Variants in TP53BP2 observed in about 807,000 individuals in gnomAD.
The protein encoded by TP53BP2 is apoptosis-stimulating of p53 protein 2.
In TP53BP2, 62 loss-of-function variants were observed where a neutral mutation model predicts 126.2. The observed-to-expected ratio is 0.49, with a 90% CI of 0.40 to 0.61. TP53BP2 has a LOEUF of 0.61. Ranked by LOEUF, TP53BP2 falls within the 20% of genes least tolerant of loss-of-function variation. The pLI, the probability that TP53BP2 is intolerant of heterozygous loss-of-function variation, is 0.00. For missense variants in TP53BP2, 1,215 were observed against 1,402.8 expected, an observed-to-expected ratio of 0.87 and a Z score of 2.14; for synonymous variants, 485 against 502.9, an observed-to-expected ratio of 0.96 and a Z score of 0.48.
intron 1 of TP53BP2, among the ~76,000 whole-genome samples, chr1:223,825,395 C>A (rs1314769935): frequency 6.6e-6 from 1 of 152,208 alleles, no homozygotes; most frequent in African/African-American, 2.4e-5. Context: ...CAGGTAAAGA[C>A]TCTCCTGAAT....
intron 1 of TP53BP2, chr1:223,834,917 T>C (rs75278202): frequency 0.057 from 54,520 of 954,210 alleles, 1,651 homozygotes; most frequent in East Asian, 0.078. Context: ...TCTGTCCTAC[T>C]GGTCTATACA....
chr1:223,825,021 C>G (rs1302100492), intron 1 of TP53BP2, among the ~76,000 whole-genome samples: 4 of 110,686 alleles, frequency 3.6e-5, no homozygotes, highest in South Asian at 2.5e-4. Flanking sequence ...AGAATTCCAA[C>G]ACCAAACACA....
At chr1:223,795,713 G>C in intron 13 of TP53BP2, 102 bp downstream of exon 13, 1 of 1,147,216 alleles carries the variant, frequency 8.7e-7, no homozygotes, top group Non-Finnish European at 1.2e-6. Flanking sequence ...CAAGGGAATC[G>C]TAAAATAAAA....
rs367822775 is a variant in TP53BP2, at chr1:223,780,668, A to C, written c.*185T>G. 4 of 626,466 alleles carry C rather than the reference A, an allele frequency of 6.4e-6. No individual in the cohort carries two copies. In the East Asian group the frequency reaches 1.1e-4, roughly 18 times the overall value. 38.8% of individuals were successfully genotyped at this position (626,466 alleles called of 1,614,324 possible). A position where few individuals can be genotyped will look rare whatever the true frequency, so the allele number is the denominator to read the frequency against. ...CCTGCTGACGTAGATGCTTTATTTC[A>C]TCACGCTAAATGTCCTCTAATGGTG... On this transcript the variant is annotated 3_prime_UTR_variant, in exon 18 of 18. Transcript: ENST00000343537.
At chr1:223,802,987 T>G (rs541291378) in intron 7 of TP53BP2, 92 bp from the exon 8 acceptor site, 14 of 1,398,338 alleles carry the variant, frequency 1.0e-5, no homozygotes, top group Non-Finnish European at 1.4e-5. Context: ...ATATAATTTC[T>G]AAAAATATGA....
chr1:223,839,334 A>T (rs554440874), intron 1 of TP53BP2, among the ~76,000 whole-genome samples: 29 of 152,268 alleles, frequency 1.9e-4, no homozygotes, highest in African/African-American at 6.0e-4. Flanking sequence ...GGGATGACCA[A>T]CCTAAATCAC....
At position 223,815,697 on chromosome 1, in the gene TP53BP2, A is replaced by G. The variant is rs150462108; in HGVS notation, c.176-1344T>C. On this transcript the variant is annotated intron_variant, in intron 2 of 17. Coordinates refer to ENST00000343537, the MANE Select transcript of TP53BP2 (RefSeq NM_001031685.3). The stretch of plus-strand genomic sequence containing the variant: ...CACTTAAAGGCTCTCAAAGCTCCCT[A>G]CTAACACTCATGTGCCAGCCACACC... 7.5e-4 allele frequency among the ~76,000 whole-genome samples: 115 copies of G among 152,372 alleles called. No homozygotes were observed. In the East Asian group the frequency reaches 0.014, roughly 18 times the overall value.
In TP53BP2 at chr1:223,845,768, C is replaced by A; in HGVS notation, c.-88G>T. On this transcript the variant is annotated 5_prime_UTR_variant, in exon 1 of 18. Transcript: ENST00000343537. ...GGGGGAGGGGAGCGGAGAGCGAGGC[C>A]GCCCGGACCTGTTGCGAGGCGGCGG... is the stretch of plus-strand genomic sequence containing the variant. 1.5e-6 allele frequency: 2 copies of A among 1,294,924 alleles called. No individual in the cohort carries two copies. The allele number at this position is 1,294,924 out of a possible 1,614,324, so 80.2% of individuals were successfully genotyped here.
Position 223,793,421 on chromosome 1 carries a change from C to T in TP53BP2, c.2744G>A (p.Arg915His), listed in dbSNP as rs200173201. 6 of 1,593,766 alleles carry T rather than the reference C, an allele frequency of 3.8e-6. No individual in the cohort carries two copies. In the East Asian group the frequency reaches 9.1e-5, roughly 24 times the overall value. Residue 915 changes from arginine (R) to histidine (H), a missense_variant, in exon 14 of 18, where the codon CGT becomes CAT. Around this residue, in one of 4 missense-constraint regions of TP53BP2, gnomAD observed 204 missense variants for 225.7 expected, o/e 0.90. Coordinates refer to ENST00000343537, the MANE Select transcript of TP53BP2 (RefSeq NM_001031685.3). ...AGCGATACGCTCTGAGCCAGTTTTA[C>T]GCAAGTTTGTCCTTTTACCCTGCAA... is the stretch of plus-strand genomic sequence containing the variant. ...SLPPGKRTNLRKTGSERIAHG... is the reference protein window; with the variant it reads ...SLPPGKRTNLHKTGSERIAHG...
intron 1 of TP53BP2, among the ~76,000 whole-genome samples, chr1:223,838,235 C>T (rs1663986982): frequency 6.6e-6 from 1 of 152,180 alleles, no homozygotes; most frequent in Admixed American, 6.5e-5. Flanking sequence ...TGAAAACTTC[C>T]TTTCCTGTCT....
intron 1 of TP53BP2, among the ~76,000 whole-genome samples, chr1:223,835,451 G>A (rs1663889980): frequency 6.6e-6 from 1 of 152,182 alleles, no homozygotes; most frequent in East Asian, 1.9e-4. Flanking sequence ...TAGTGTTGGT[G>A]TGCTTCCTTC....
chr1:223,783,153 G>C (rs1053360037), intron 17 of TP53BP2, among the ~76,000 whole-genome samples: 1 of 152,172 alleles, frequency 6.6e-6, no homozygotes, highest in African/African-American at 2.4e-5. Flanking sequence ...ATGTCCATCC[G>C]ACACTTGATG....
At chr1:223,839,997 T>C (rs373588022) in intron 1 of TP53BP2, among the ~76,000 whole-genome samples, 50 of 152,234 alleles carry the variant, frequency 3.3e-4, no homozygotes, top group African/African-American at 1.1e-3. Context: ...ACATATTCAT[T>C]GAAAATCTGG....
Position 223,810,498 on chromosome 1 carries a change from G to T in TP53BP2, c.305C>A (p.Ser102Tyr). Residue 102 changes from serine (S) to tyrosine (Y), a missense_variant, in exon 4 of 18, where the codon TCT becomes TAT. Transcript: ENST00000343537. ...PGRDIVSGPR[S>Y]QDPSLKRNGV... The stretch of plus-strand genomic sequence containing the variant: ...ATTTCTTTTTAAACTTGGATCCTGA[G>T]ATCTTGGTCCACTCACTAAGGACAA... 1 of 1,605,994 alleles carries T rather than the reference G, an allele frequency of 6.2e-7. No homozygotes were observed. The highest frequency in any genetic ancestry group is 1.7e-5 in the Admixed American group (1 of 58,966).
At chr1:223,807,496 T>A (rs182271705) in intron 4 of TP53BP2, among the ~76,000 whole-genome samples, 3,280 of 150,826 alleles carry the variant, frequency 0.022, 66 homozygotes, top group Non-Finnish European at 0.034. Flanking sequence ...AGCATCCAGA[T>A]TGGTAAAAAA....
chr1:223,845,603 C>G (rs1664243398), intron 1 of TP53BP2, 51 bp downstream of exon 1: 2 of 1,518,060 alleles, frequency 1.3e-6, no homozygotes, highest in Non-Finnish European at 8.8e-7. Context: ...GCCCCCGGCA[C>G]GCGACCCCGC....
chr1:223,802,410 A>G (rs761126449), intron 8 of TP53BP2, 66 bp from the exon 9 acceptor site: 13 of 1,446,400 alleles, frequency 9.0e-6, no homozygotes, highest in Non-Finnish European at 1.2e-5. Flanking sequence ...TTAGAAACTA[A>G]GATGTGACAT....
chr1:223,784,263 C>A lies in TP53BP2; in HGVS notation c.3215G>T (p.Trp1072Leu). 6.2e-7 allele frequency: 1 copy of A among 1,614,174 alleles called. No individual in the cohort carries two copies. Among genetic ancestry groups the A allele is most frequent in the Non-Finnish European group, 8.5e-7 (1 of 1,180,032 alleles). Reference protein sequence around the residue: ...IMNKGVIYALWDYEPQNDDEL... With the variant: ...IMNKGVIYALLDYEPQNDDEL... ...ATCATCATTCTGAGGTTCATAATCC[C>A]AAAGCGCATAAATGACTCCTTTATT... is the stretch of plus-strand genomic sequence containing the variant. The change falls in exon 17 of 18, where the codon TGG (tryptophan) becomes TTG (leucine). Residue 1072 changes from tryptophan (W) to leucine (L), a missense_variant. Trp to Leu is a moderately conservative substitution (Grantham distance 61, BLOSUM62 -2). Around this residue, in one of 4 missense-constraint regions of TP53BP2, gnomAD observed 151 missense variants for 231.2 expected, o/e 0.65. Transcript: ENST00000343537.
chr1:223,786,702 G>A (rs537412541), intron 16 of TP53BP2, among the ~76,000 whole-genome samples: 2 of 150,944 alleles, frequency 1.3e-5, no homozygotes, highest in African/African-American at 4.9e-5. Context: ...CTCCTCCGGG[G>A]TTCACGCCAT....
Sources: gnomAD v4.1 joint callset for allele counts (sites outside exome capture counted in the v4.1 genomes callset) on GRCh38, gnomAD v4.1.1 for gene constraint, gnomAD v4.1.1 regional missense constraint, MANE v1.5 for transcripts, NCBI Gene and HGNC (gene_info 2026-07-23, HGNC 2026-07-21) for gene names.